FASN: variants seen among roughly 807,000 people sequenced by gnomAD.
The protein encoded by FASN is 3-hydroxyacyl-[acyl-carrier-protein] dehydratase.
Under a neutral mutation model 250.0 loss-of-function variants are expected in FASN, and 50 were observed. That is an observed-to-expected ratio of 0.20 (90% CI 0.16 to 0.25). The LOEUF is 0.25. Ranked by LOEUF, FASN falls within the 10% of genes least tolerant of loss-of-function variation. The probability of loss-of-function intolerance (pLI) is 1.00; values close to 1 mark genes in which losing one functional copy is unlikely to be tolerated. For missense variants in FASN, 3,031 were observed against 3,498.5 expected (o/e 0.87, Z 3.37); for synonymous variants, 1,909 against 1,584.0 (o/e 1.21, Z -4.87).
intron 1 of FASN, chr17:82,096,938 G>A (rs905870156): frequency 1.2e-5 from 3 of 242,306 alleles, no homozygotes; most frequent in Admixed American, 5.1e-5. Flanking sequence ...AAATGGAGAG[G>A]CAGGGTCCCA....
At chr17:82,096,261 G>A (rs2034300623) in intron 2 of FASN, 58 bp downstream of exon 2, 8 of 1,604,748 alleles carry the variant, frequency 5.0e-6, no homozygotes, top group East Asian at 2.2e-5. Flanking sequence ...CTGCTGTGAG[G>A]ACAAAGGTGG....
At position 82,085,700 on chromosome 17, in the gene FASN, G is replaced by A; in HGVS notation, c.3904C>T (p.Pro1302Ser). 1 of 1,568,304 alleles carries A rather than the reference G, an allele frequency of 6.4e-7. No homozygotes were observed. Among genetic ancestry groups the A allele is most frequent in the South Asian group, 1.2e-5 (1 of 85,606 alleles). The change falls in exon 23 of 43, where the codon CCT (proline) becomes TCT (serine). Residue 1302 changes from proline (P) to serine (S), a missense_variant. Coordinates refer to ENST00000306749, the MANE Select transcript of FASN (RefSeq NM_004104.5). ...GCGCTGCCCAGGGCGCTGGGGGCAG[G>A]GTCTGCGGGATCCCACTGGCCCTGG... ...VAQGQWDPAD[P>S]APSALGSADL...
Position 82,079,016 on chromosome 17 carries a change from G to C in FASN, c.*127C>G. The C allele has an allele frequency of 1.8e-6, 2 of 1,132,662 alleles. No homozygotes were observed. Among genetic ancestry groups the C allele is most frequent in the Non-Finnish European group, 2.5e-6 (2 of 792,184 alleles). 70.2% of individuals were successfully genotyped at this position (1,132,662 alleles called of 1,614,324 possible). A position where few individuals can be genotyped will look rare whatever the true frequency, so the allele number is the denominator to read the frequency against. On this transcript the variant is annotated 3_prime_UTR_variant, in exon 43 of 43. Transcript: ENST00000306749. The stretch of plus-strand genomic sequence containing the variant: ...TAACACCTACATCTAGCAGCCTCGG[G>C]GGGCAGTGGCACTGGGCCGGACAGG...
At chr17:82,096,931 T>C (rs950808662) in intron 1 of FASN, 3 of 237,098 alleles carry the variant, frequency 1.3e-5, no homozygotes, top group South Asian at 5.1e-5. Context: ...ATCAAAGAAA[T>C]GGAGAGGCAG....
intron 38 of FASN, 78 bp from the exon 39 acceptor site, chr17:82,081,000 C>T (rs138138711): frequency 3.5e-5 from 50 of 1,431,586 alleles, no homozygotes; most frequent in Admixed American, 1.4e-4. Context: ...CAGACACGCA[C>T]GCAGGTCCCC....
Position 82,087,500 on chromosome 17 carries a change from G to A in FASN, c.3048C>T (p.Asp1016=), listed in dbSNP as rs2034126642. ...TATCCTTCCACAGCAGCCTCCCCGA[G>A]TCACCTGCACACAGGGCCTGGTTGG... ...QGILEASLEG[D]SGRLLWKDNW... Residue 1016 remains aspartate, a synonymous_variant, in exon 20 of 43, where the codon GAC becomes GAT. Coordinates refer to ENST00000306749, the MANE Select transcript of FASN (RefSeq NM_004104.5). The A allele has an allele frequency of 6.2e-7, 1 of 1,612,118 alleles. No individual in the cohort carries two copies. Among genetic ancestry groups the A allele is most frequent in the Non-Finnish European group, 8.5e-7 (1 of 1,180,000 alleles).
chr17:82,093,074 C>A, intron 5 of FASN, 55 bp from the exon 6 acceptor site: 1 of 1,605,706 alleles, frequency 6.2e-7, no homozygotes, highest in Non-Finnish European at 8.5e-7. Flanking sequence ...GCCCCCACCC[C>A]ACCAGGAGGA....
In FASN at chr17:82,086,500, G is replaced by A. The variant is rs781538664; in HGVS notation, c.3486C>T (p.Pro1162=). The change falls in exon 22 of 43, where the codon CCC becomes CCT. Residue 1162 remains proline (P), a synonymous_variant. Transcript: ENST00000306749. The stretch of plus-strand genomic sequence containing the variant: ...GGGGGATCTGGGCCCCATCCAGTCC[G>A]GGCACCACCATCTTCAGCCCCTGCT... ...VTQQGLKMVV[P]GLDGAQIPRD... 2.8e-5 allele frequency: 45 copies of A among 1,612,344 alleles called. No individual in the cohort carries two copies. Among genetic ancestry groups the A allele is most frequent in the South Asian group, 8.8e-5 (8 of 91,078 alleles).
In FASN at chr17:82,087,879, CGG is replaced by C; in HGVS notation, c.2867-20_2867-19del. 6.2e-7 allele frequency: 1 copy of C among 1,612,542 alleles called. No homozygotes were observed. Among genetic ancestry groups the C allele is most frequent in the Non-Finnish European group, 8.5e-7 (1 of 1,179,828 alleles). ...CACCTTCCCTGTGGAAAGGGAGGTG[CGG>C]AAGGGCCTGAGGACGGGCGGCATGG... On this transcript the variant is annotated intron_variant, in intron 18 of 42. Coordinates refer to ENST00000306749, the MANE Select transcript of FASN (RefSeq NM_004104.5).
Position 82,079,104 on chromosome 17 carries a change from A to G in FASN, c.*39T>C, listed in dbSNP as rs1225544581. On this transcript the variant is annotated 3_prime_UTR_variant, in exon 43 of 43. Coordinates refer to ENST00000306749, the MANE Select transcript of FASN (RefSeq NM_004104.5). ...GGGGGTGGGGTGGGGTGGGGTGGGGATGGTGGAGTGACCTCCGGTGGCAGG... is the reference window on the plus strand; with the variant it reads ...GGGGGTGGGGTGGGGTGGGGTGGGGGTGGTGGAGTGACCTCCGGTGGCAGG... 17 of 1,582,538 alleles carry G rather than the reference A, an allele frequency of 1.1e-5. No individual in the cohort carries two copies. The highest frequency in any genetic ancestry group is 6.9e-5 in the Admixed American group (4 of 57,884).
At chr17:82,081,431 G>A (rs775104413) in intron 37 of FASN, 79 bp from the exon 38 acceptor site, 259 of 1,564,172 alleles carry the variant, frequency 1.7e-4, no homozygotes, top group Non-Finnish European at 1.2e-4. Context: ...ACACCCAGGG[G>A]TGCGTGGGCT....
chr17:82,086,023 G>C, intron 22 of FASN, 152 bp from the exon 23 acceptor site: 1 of 1,230,100 alleles, frequency 8.1e-7, no homozygotes, highest in Non-Finnish European at 1.1e-6. Flanking sequence ...GGATGCCACT[G>C]GTCTTGTCCC....
chr17:82,083,800 C>A lies in FASN; in HGVS notation c.5190G>T (p.Gln1730His). 1 of 1,610,808 alleles carries A rather than the reference C, an allele frequency of 6.2e-7. No homozygotes were observed. Among genetic ancestry groups the A allele is most frequent in the African/African-American group, 1.3e-5 (1 of 75,054 alleles). Residue 1730 changes from glutamine to histidine, a missense_variant, in exon 30 of 43, where the codon CAG becomes CAT. Gln to His is a conservative substitution (Grantham distance 24). Coordinates refer to ENST00000306749, the MANE Select transcript of FASN (RefSeq NM_004104.5). ...FANSRDTSFE[Q>H]HVLWHTGGKG... ...TCCCGCCCGTGTGCCACAGCACATG[C>A]TGCTCGAAGGATGTGTCCCGGGAGT...
In FASN at chr17:82,092,605, G is replaced by C. The variant is rs1423628243; in HGVS notation, c.895-16C>G. ...GGTCGCCCACCTGTGGGAAACATGG[G>C]GGGTGAGGGGCTCTGGCCAGGTCAC... is the stretch of plus-strand genomic sequence containing the variant. On this transcript the variant is annotated splice_polypyrimidine_tract_variant and intron_variant, in intron 7 of 42. Transcript: ENST00000306749. 2 of 1,605,124 alleles carry C rather than the reference G, an allele frequency of 1.2e-6. No homozygotes were observed. Among genetic ancestry groups the C allele is most frequent in the South Asian group, 1.1e-5 (1 of 90,996 alleles).
At position 82,095,313 on chromosome 17, in the gene FASN, G is replaced by A. The variant is rs754557568; in HGVS notation, c.280+7C>T. On this transcript the variant is annotated splice_region_variant and intron_variant, in intron 3 of 42. Transcript: ENST00000306749. ...CTCGGCGCAGCAGTCGCGAATGCCC[G>A]ACCCACCTCCGTCCACGATGGCTTC... 1.3e-5 allele frequency: 21 copies of A among 1,612,608 alleles called. No homozygotes were observed. Among genetic ancestry groups the A allele is most frequent in the Middle Eastern group, 1.6e-4 (1 of 6,084 alleles).
rs150719831 is a variant in FASN at position 82,095,575 on chromosome 17, ACT to A, written c.128-105_128-104del. ...TGGAGGGGCCATGGTGGAACTGAGG[ACT>A]CTCTGCTATGCCTGGGAGGCCCAAA... is the stretch of plus-strand genomic sequence containing the variant. On this transcript the variant is annotated intron_variant, in intron 2 of 42. Transcript: ENST00000306749. 5,421 of 1,402,034 alleles carry A rather than the reference ACT, an allele frequency of 3.9e-3. 172 individuals carry two copies. In the African/African-American group the frequency reaches 0.066, roughly 17 times the overall value. The allele number at this position is 1,402,034 out of a possible 1,614,324, so 86.8% of individuals were successfully genotyped here.
In FASN at chr17:82,085,611, G is replaced by A; in HGVS notation, c.3993C>T (p.Asn1331=). 1 of 1,599,860 alleles carries A rather than the reference G, an allele frequency of 6.3e-7. No homozygotes were observed. The highest frequency in any genetic ancestry group is 8.5e-7 in the Non-Finnish European group (1 of 1,174,032). The change falls in exon 23 of 43, where the codon AAC becomes AAT. Residue 1331 remains asparagine, a synonymous_variant. Coordinates refer to ENST00000306749, the MANE Select transcript of FASN (RefSeq NM_004104.5). ...ALGDPASALS[N]MVAALREGGF... is the part of the protein sequence containing the mutation. The stretch of plus-strand genomic sequence containing the variant: ...CCCCTTCTCTCAGGGCAGCCACCAT[G>A]TTGCTGAGAGCTGAGGCCGGGTCCC...
At position 82,082,059 on chromosome 17, in the gene FASN, T is replaced by C; in HGVS notation, c.6113A>G (p.Asn2038Ser). Residue 2038 changes from asparagine (N) to serine (S), a missense_variant, in exon 36 of 43, where the codon AAT (asparagine) becomes AGT (serine). Asn to Ser is a conservative substitution (Grantham distance 46). Coordinates refer to ENST00000306749, the MANE Select transcript of FASN (RefSeq NM_004104.5). ...CTCACAGATACGCTCCATGGCGGAA[T>C]TGGCAAAGCCGTAGTTGCTCTGTCC... ...NAGQSNYGFA[N>S]SAMERICEKR... The C allele has an allele frequency of 3.7e-6, 6 of 1,610,620 alleles. No individual in the cohort carries two copies. Among genetic ancestry groups the C allele is most frequent in the Non-Finnish European group, 5.1e-6 (6 of 1,179,954 alleles).
chr17:82,088,070 A>G, intron 17 of FASN, 36 bp from the exon 18 acceptor site: 1 of 1,612,058 alleles, frequency 6.2e-7, no homozygotes, highest in Non-Finnish European at 8.5e-7. Context: ...AGAGGGCAGC[A>G]CCCGCCCCCC....
Sources: gnomAD v4.1 joint callset for allele counts on GRCh38, gnomAD v4.1.1 for gene constraint, MANE v1.5 for transcripts, NCBI Gene and HGNC (gene_info 2026-07-23, HGNC 2026-07-21) for gene names.